ORC4: variants seen among roughly 807,000 people sequenced by gnomAD.
ORC4 encodes the protein origin recognition complex, subunit 4 homolog.
In ORC4, 55 loss-of-function variants were observed where a neutral mutation model predicts 63.9. The ratio of observed to expected loss-of-function variants is 0.86; its 90% CI spans 0.69 to 1.08. ORC4 has a LOEUF of 1.08. ORC4 is among the 50% of genes least tolerant of loss of function. The pLI is 0.00. For missense variants in ORC4, 511 were observed against 504.4 expected, an observed-to-expected ratio of 1.01 and a Z score of -0.13; for synonymous variants, 150 against 168.5, an observed-to-expected ratio of 0.89 and a Z score of 0.85.
At position 147,974,526 on chromosome 2, in the gene ORC4, T is replaced by C. The variant is rs565211000; in HGVS notation, c.58-1002A>G. Among the ~76,000 whole-genome samples the C allele has an allele frequency of 5.2e-4, 79 of 151,732 alleles. 1 individual carries two copies. The highest frequency in any genetic ancestry group is 2.3e-3 in the South Asian group (11 of 4,808). ...GGTGGATGCCTGTAATACCAGCTAC[T>C]TGGGAGGCTGAGGCAGGAGAATTGC... On this transcript the variant is annotated intron_variant, in intron 2 of 13. Coordinates refer to ENST00000392857, the MANE Select transcript of ORC4 (RefSeq NM_181741.4).
At chr2:147,943,568 G>A (rs1197716103) in intron 9 of ORC4, 46 bp from the exon 10 acceptor site, 1 of 1,119,298 alleles carries the variant, frequency 8.9e-7, no homozygotes, top group East Asian at 2.4e-5. Flanking sequence ...GAAAGATGTA[G>A]TTTAAAACCT....
intron 2 of ORC4, among the ~76,000 whole-genome samples, chr2:147,974,330 T>C (rs1690399001): frequency 1.3e-5 from 2 of 152,150 alleles, no homozygotes; most frequent in African/African-American, 2.4e-5. Flanking sequence ...ATGGCAGGCC[T>C]GTTTGAAAGA....
intron 1 of ORC4, among the ~76,000 whole-genome samples, chr2:147,997,320 A>T (rs1472110233): frequency 2.0e-5 from 3 of 152,182 alleles, no homozygotes; most frequent in Non-Finnish European, 4.4e-5. Flanking sequence ...TACTGTAATA[A>T]TGGATCATTA....
intron 4 of ORC4, among the ~76,000 whole-genome samples, chr2:147,968,470 A>G (rs1690023705): frequency 6.6e-6 from 1 of 152,048 alleles, no homozygotes; most frequent in African/African-American, 2.4e-5. Flanking sequence ...CTTAAAAAAC[A>G]GGCAAATTAT....
intron 10 of ORC4, 47 bp downstream of exon 10, chr2:147,943,388 TA>T: frequency 7.6e-7 from 1 of 1,312,922 alleles, no homozygotes; most frequent in Non-Finnish European, 1.1e-6. Context: ...CCGTCACTAT[TA>T]AAAACAAAAA....
At chr2:147,957,953 A>C (rs912709979) in intron 6 of ORC4, among the ~76,000 whole-genome samples, 7 of 152,168 alleles carry the variant, frequency 4.6e-5, no homozygotes. Flanking sequence ...AAGTAGAAAT[A>C]GGCTGCTGGA....
chr2:147,973,041 G>A (rs550591356), intron 3 of ORC4, among the ~76,000 whole-genome samples: 6 of 152,172 alleles, frequency 3.9e-5, no homozygotes, highest in African/African-American at 7.2e-5. Flanking sequence ...AGGTGAAAAC[G>A]TAGTCAGATT....
At chr2:147,971,106 C>T (rs560588472) in intron 4 of ORC4, among the ~76,000 whole-genome samples, 6 of 151,980 alleles carry the variant, frequency 3.9e-5, no homozygotes, top group Non-Finnish European at 5.9e-5. Flanking sequence ...CACTGCACTC[C>T]GGCCTGGGTG....
chr2:147,962,618 A>G (rs13016893), intron 4 of ORC4, among the ~76,000 whole-genome samples: 89,238 of 151,812 alleles, frequency 0.59, 26,519 homozygotes, highest in Middle Eastern at 0.74. Flanking sequence ...CCAGCCAGAG[A>G]ACCAATCTGG....
chr2:147,990,512 A>G (rs1354578877), intron 1 of ORC4, among the ~76,000 whole-genome samples: 2 of 152,146 alleles, frequency 1.3e-5, no homozygotes, highest in Non-Finnish European at 2.9e-5. Context: ...AAATAAGTAA[A>G]CTCTGTTAGT....
At position 147,935,067 on chromosome 2, in the gene ORC4, A is replaced by G. The variant is rs1687974981; in HGVS notation, c.*443T>C. The G allele has an allele frequency of 6.2e-6, 1 of 160,324 alleles. No homozygotes were observed. 9.9% of individuals were successfully genotyped at this position (160,324 alleles called of 1,614,324 possible). On this transcript the variant is annotated 3_prime_UTR_variant, in exon 14 of 14. Transcript: ENST00000392857. ...AAAACCTGGGTCTGGGATAGAATCCAAAATTTGCATGTGGACAGAAAAAAA... is the reference window on the plus strand; with the variant it reads ...AAAACCTGGGTCTGGGATAGAATCCGAAATTTGCATGTGGACAGAAAAAAA...
intron 1 of ORC4, among the ~76,000 whole-genome samples, chr2:147,994,703 G>T (rs1268329755): frequency 6.6e-6 from 1 of 152,172 alleles, no homozygotes; most frequent in Non-Finnish European, 1.5e-5. Context: ...ATGGATCACA[G>T]ACCTAAATAT....
At chr2:148,011,059 C>A (rs1290443613) in intron 1 of ORC4, among the ~76,000 whole-genome samples, 1 of 151,864 alleles carries the variant, frequency 6.6e-6, no homozygotes, top group Non-Finnish European at 1.5e-5. Flanking sequence ...AAACTCCTGG[C>A]TTCAAGAGAT....
chr2:147,956,434 T>C (rs907602062), intron 6 of ORC4, among the ~76,000 whole-genome samples: 1 of 152,100 alleles, frequency 6.6e-6, no homozygotes, highest in Non-Finnish European at 1.5e-5. Context: ...ACTAAGTATA[T>C]GCTTCTATAA....
intron 1 of ORC4, among the ~76,000 whole-genome samples, chr2:148,003,939 A>G (rs1470638721): frequency 6.6e-6 from 1 of 152,222 alleles, no homozygotes; most frequent in Non-Finnish European, 1.5e-5. Flanking sequence ...ATGTGCAAAA[A>G]TAACAAGCAT....
rs2105241208 is a variant in ORC4 at position 147,933,226 on chromosome 2, T to C, written c.*2284A>G. On this transcript the variant is annotated 3_prime_UTR_variant, in exon 14 of 14. Transcript: ENST00000392857. ...GAAGAAAATAAGCTATATGTATAAGTTTACATTATTCTTGAACCGCTTTTT... is the reference window on the plus strand; with the variant it reads ...GAAGAAAATAAGCTATATGTATAAGCTTACATTATTCTTGAACCGCTTTTT... The C allele has an allele frequency of 6.6e-6, 1 of 152,260 alleles. No homozygotes were observed. The highest frequency in any genetic ancestry group is 2.1e-4 in the South Asian group (1 of 4,822). 9.4% of individuals were successfully genotyped at this position (152,260 alleles called of 1,614,324 possible).
At chr2:148,006,114 C>T (rs986734348) in intron 1 of ORC4, among the ~76,000 whole-genome samples, 3 of 152,166 alleles carry the variant, frequency 2.0e-5, no homozygotes, top group African/African-American at 7.2e-5. Context: ...GCGCTGACTA[C>T]ACCAACCCTC....
In ORC4 at chr2:148,009,092, A is replaced by G. The variant is rs531296499; in HGVS notation, c.-18+11541T>C. ...TTTCTTTGCAATCAGAGTTGTCATC[A>G]GTTGCAAATAATTGGCTATAAATTG... On this transcript the variant is annotated intron_variant, in intron 1 of 13. Transcript: ENST00000392857. 2.2e-3 allele frequency among the ~76,000 whole-genome samples: 336 copies of G among 152,258 alleles called. 3 individuals are homozygous for G. Among genetic ancestry groups the G allele is most frequent in the Non-Finnish European group, 3.8e-3 (259 of 68,026 alleles).
chr2:147,985,263 C>G (rs186292967), intron 1 of ORC4, among the ~76,000 whole-genome samples: 1 of 152,244 alleles, frequency 6.6e-6, no homozygotes, highest in East Asian at 1.9e-4. Flanking sequence ...GTGGCGCTAT[C>G]TCGGCTCACT....
Sources: allele counts gnomAD v4.1 joint callset (sites outside exome capture counted in the v4.1 genomes callset), GRCh38; gene constraint gnomAD v4.1.1; transcripts MANE v1.5; gene names NCBI Gene and HGNC (gene_info 2026-07-23, HGNC 2026-07-21).